SLCO5A1: variants seen among roughly 807,000 people sequenced by gnomAD.
SLCO5A1 encodes the protein solute carrier organic anion transporter family member 5A1.
SLCO5A1 carries 39 observed loss-of-function variants against 65.1 expected under a neutral mutation model. That is an observed-to-expected ratio of 0.60 (90% CI 0.46 to 0.78). The LOEUF (loss-of-function observed/expected upper bound fraction) is 0.78. Among genes scored for constraint, SLCO5A1 ranks in the 30% least tolerant of loss-of-function variants. The probability of loss-of-function intolerance (pLI) is 0.00; values close to 1 mark genes in which losing one functional copy is unlikely to be tolerated. For missense variants in SLCO5A1, 1,029 were observed against 1,069.4 expected, an observed-to-expected ratio of 0.96 and a Z score of 0.53; for synonymous variants, 438 against 415.7, an observed-to-expected ratio of 1.05 and a Z score of -0.65.
chr8:69,749,617 C>T (rs1817194150), intron 4 of SLCO5A1, among the ~76,000 whole-genome samples: 1 of 149,904 alleles, frequency 6.7e-6, no homozygotes, highest in Admixed American at 6.7e-5. Context: ...CAAAGCAAGA[C>T]AGTCTCAAAA....
At chr8:69,697,390 CA>C (rs1180012962) in intron 6 of SLCO5A1, among the ~76,000 whole-genome samples, 3 of 150,462 alleles carry the variant, frequency 2.0e-5, no homozygotes, top group Non-Finnish European at 3.0e-5. Flanking sequence ...ATTCTGTTTC[CA>C]AAAAAAAATT....
intron 2 of SLCO5A1, among the ~76,000 whole-genome samples, chr8:69,790,980 C>T (rs931233425): frequency 6.6e-6 from 1 of 151,950 alleles, no homozygotes; most frequent in South Asian, 2.1e-4. Flanking sequence ...TGCCATTGTA[C>T]AAACAGCATA....
chr8:69,701,960 T>C (rs1471749397), intron 6 of SLCO5A1, among the ~76,000 whole-genome samples: 2 of 152,242 alleles, frequency 1.3e-5, no homozygotes, highest in Non-Finnish European at 2.9e-5. Flanking sequence ...GCTCCTCATT[T>C]GCCAAGCTAG....
At position 69,832,614 on chromosome 8, in the gene SLCO5A1, A is replaced by T. The variant is rs752838665; in HGVS notation, c.60T>A (p.Thr20=). The change falls in exon 2 of 10, where the codon ACT becomes ACA. Residue 20 remains threonine, a synonymous_variant. Transcript: ENST00000260126. The surrounding 1 kb of genome is among the most constrained non-coding windows in gnomAD (Gnocchi z 4.5). ...GAGEQLEAPA[T]AEAVQERCEP... The stretch of plus-strand genomic sequence containing the variant: ...CGCACCTCTCTTGGACAGCTTCTGC[A>T]GTGGCCGGCGCCTCCAGCTGCTCTC... 3.1e-6 allele frequency: 5 copies of T among 1,611,054 alleles called. No individual in the cohort carries two copies. The Admixed American group carries it at 6.7e-5, about 21-fold the overall frequency.
chr8:69,823,434 T>C (rs1563376523), intron 2 of SLCO5A1, among the ~76,000 whole-genome samples: 1 of 152,118 alleles, frequency 6.6e-6, no homozygotes, highest in Non-Finnish European at 1.5e-5. Context: ...GAGGAAGATC[T>C]ACCAAGCAAA....
intron 2 of SLCO5A1, among the ~76,000 whole-genome samples, chr8:69,784,811 AAAAGAAAGAAAGAAAGAAAG>A (rs56110450): frequency 3.6e-3 from 257 of 70,942 alleles, no homozygotes; most frequent in East Asian, 8.7e-3. Flanking sequence ...GAAAGAAAGA[AAAAGAAAGAAAGAAAGAAAG>A]AAAGAAAGAA....
rs185933177 is a variant in SLCO5A1, at chr8:69,829,311, G to T, written c.907+2456C>A. The stretch of plus-strand genomic sequence containing the variant: ...GGAACAAGGTAAGTCACACCATGAG[G>T]AAATGATCAGATACATCTAGAATGT... On this transcript the variant is annotated intron_variant, in intron 2 of 9. Coordinates refer to ENST00000260126, the MANE Select transcript of SLCO5A1 (RefSeq NM_030958.3). 3.6e-3 allele frequency among the ~76,000 whole-genome samples: 548 copies of T among 152,272 alleles called. 3 individuals are homozygous for T. The highest frequency in any genetic ancestry group is 0.012 in the African/African-American group (518 of 41,554).
chr8:69,771,009 A>G (rs770905082), intron 2 of SLCO5A1, among the ~76,000 whole-genome samples: 5 of 151,968 alleles, frequency 3.3e-5, no homozygotes, highest in Non-Finnish European at 7.4e-5. Flanking sequence ...TTTTAGATGG[A>G]GTTACACTCT....
At chr8:69,817,210 T>C (rs1183679852) in intron 2 of SLCO5A1, among the ~76,000 whole-genome samples, 2 of 152,230 alleles carry the variant, frequency 1.3e-5, no homozygotes, top group Non-Finnish European at 2.9e-5. Flanking sequence ...TTTGTTTCTA[T>C]GAATTTGACT....
intron 2 of SLCO5A1, chr8:69,794,478 C>T (rs1281923998): frequency 4.8e-6 from 2 of 415,144 alleles, no homozygotes; most frequent in South Asian, 2.1e-5. Flanking sequence ...GAACCAATTC[C>T]ATCATGGTTT....
At chr8:69,725,275 G>T (rs1002689417) in intron 5 of SLCO5A1, among the ~76,000 whole-genome samples, 5 of 152,004 alleles carry the variant, frequency 3.3e-5, no homozygotes, top group Non-Finnish European at 5.9e-5. Context: ...TACAGAGCAG[G>T]TAGGGATCAC....
chr8:69,679,449 GA>G lies in SLCO5A1; in HGVS notation c.1952del (p.Phe651SerfsTer2), dbSNP rs1379694095. 2.2e-5 allele frequency: 35 copies of G among 1,614,096 alleles called. No individual in the cohort carries two copies. In the Admixed American group the frequency reaches 5.8e-4, roughly 27 times the overall value. On this transcript the variant is annotated frameshift_variant, in exon 8 of 10. Transcript: ENST00000260126. LOFTEE classifies it high-confidence loss of function. ...CKRTCNTLIP[F>X]LVFLFIVTFI... ...AGGTGACTATGAAAAGAAAAACTAA[GA>G]ATGGGATAAGAGTATTGCAGGTCCG...
chr8:69,680,645 T>C (rs372105474), intron 7 of SLCO5A1, among the ~76,000 whole-genome samples: 1 of 152,336 alleles, frequency 6.6e-6, no homozygotes, highest in East Asian at 1.9e-4. Flanking sequence ...TTTGGATACA[T>C]ACACAGGAAT....
At chr8:69,787,704 G>A (rs1284180009) in intron 2 of SLCO5A1, among the ~76,000 whole-genome samples, 2 of 152,198 alleles carry the variant, frequency 1.3e-5, no homozygotes, top group Admixed American at 6.5e-5. Flanking sequence ...CATCATGTGA[G>A]TTATGAACTA....
intron 2 of SLCO5A1, chr8:69,772,921 C>A (rs1027949581): frequency 1.0e-6 from 1 of 985,196 alleles, no homozygotes; most frequent in Non-Finnish European, 1.2e-6. Flanking sequence ...TAAAACTCAC[C>A]ATGATCCAAG....
chr8:69,790,901 A>G (rs1819240089), intron 2 of SLCO5A1, among the ~76,000 whole-genome samples: 1 of 152,218 alleles, frequency 6.6e-6, no homozygotes, highest in South Asian at 2.1e-4. Flanking sequence ...TAGAACCAGA[A>G]AGAAAAAAGG....
At position 69,679,270 on chromosome 8, in the gene SLCO5A1, T is replaced by A. The variant is rs575982075; in HGVS notation, c.2024+108A>T. On this transcript the variant is annotated intron_variant, in intron 8 of 9. Transcript: ENST00000260126. ...TATCTGAGCGCCCTCCTGCACATGCTAATTTTGCTTTGCTCTCTGATTTAC... is the reference window on the plus strand; with the variant it reads ...TATCTGAGCGCCCTCCTGCACATGCAAATTTTGCTTTGCTCTCTGATTTAC... 56 of 1,483,876 alleles carry A rather than the reference T, an allele frequency of 3.8e-5. No homozygotes were observed. The African/African-American group carries it at 7.2e-4, about 19-fold the overall frequency. The allele number at this position is 1,483,876 out of a possible 1,614,324, so 91.9% of individuals were successfully genotyped here.
chr8:69,738,962 A>C (rs1012207129), intron 4 of SLCO5A1, among the ~76,000 whole-genome samples: 1 of 152,178 alleles, frequency 6.6e-6, no homozygotes. Context: ...AATTTATAAT[A>C]CCAAAAATGT....
intron 2 of SLCO5A1, among the ~76,000 whole-genome samples, chr8:69,789,409 C>T (rs1347955163): frequency 6.6e-6 from 1 of 152,224 alleles, no homozygotes; most frequent in Non-Finnish European, 1.5e-5. Flanking sequence ...GAAGTGTTAT[C>T]TCCCTTGAGG....
Sources: allele counts gnomAD v4.1 joint callset (sites outside exome capture counted in the v4.1 genomes callset), GRCh38; gene constraint gnomAD v4.1.1; non-coding constraint Gnocchi (gnomAD v3.1); transcripts MANE v1.5; gene names NCBI Gene and HGNC (gene_info 2026-07-23, HGNC 2026-07-21).